HDAC9: variants seen among roughly 807,000 people sequenced by gnomAD.
HDAC9 encodes the protein histone deacetylase 9, also known as MEF-2 interacting transcription repressor (MITR) protein.
Under a neutral mutation model 139.4 loss-of-function variants are expected in HDAC9, and 41 were observed. That is an observed-to-expected ratio of 0.29 (90% CI 0.23 to 0.38). The LOEUF is 0.38. Ranked by LOEUF, HDAC9 falls within the 10% of genes least tolerant of loss-of-function variation. The probability of loss-of-function intolerance (pLI) is 1.00; values close to 1 mark genes in which losing one functional copy is unlikely to be tolerated. For synonymous variants in HDAC9, 517 were observed against 476.2 expected (o/e 1.09, Z -1.12); for missense variants, 1,147 against 1,297.0 (o/e 0.88, Z 1.78).
At chr7:18,310,164 G>C (rs993099716) in intron 1 of HDAC9, among the ~76,000 whole-genome samples, 1 of 151,960 alleles carries the variant, frequency 6.6e-6, no homozygotes, top group South Asian at 2.1e-4. Flanking sequence ...GACTGTGGTG[G>C]GGGGGTGGGG....
rs73308904 is a variant in HDAC9 at position 18,991,174 on chromosome 7, A to G, written c.3171-4849A>G. 5.8e-3 allele frequency among the ~76,000 whole-genome samples: 888 copies of G among 152,372 alleles called. 8 individuals carry two copies. The highest frequency in any genetic ancestry group is 0.019 in the African/African-American group (794 of 41,586). On this transcript the variant is annotated intron_variant, in intron 25 of 25. Coordinates refer to ENST00000686413, the MANE Select transcript of HDAC9 (RefSeq NM_178425.4). ...CCAACATATGTATATAAACATTTCA[A>G]AAAGTATTTATGGGATGTCTAGTAT... is the stretch of plus-strand genomic sequence containing the variant.
At chr7:18,947,534 G>A (rs995456528) in intron 23 of HDAC9, among the ~76,000 whole-genome samples, 5 of 151,878 alleles carry the variant, frequency 3.3e-5, no homozygotes, top group African/African-American at 1.2e-4. Context: ...TAATAAAAAT[G>A]CAACCTTGCA....
intron 1 of HDAC9, among the ~76,000 whole-genome samples, chr7:18,457,349 G>A (rs1272962599): frequency 6.6e-6 from 1 of 152,042 alleles, no homozygotes; most frequent in Non-Finnish European, 1.5e-5. Flanking sequence ...AACTGAAAGG[G>A]AAATTGCTTC....
chr7:18,764,663 T>A (rs1005111603), intron 15 of HDAC9, among the ~76,000 whole-genome samples: 2 of 152,190 alleles, frequency 1.3e-5, no homozygotes, highest in African/African-American at 4.8e-5. Flanking sequence ...GAAGACCGGA[T>A]TGAAGCTGCC....
At chr7:18,315,557 C>T (rs184904974) in intron 1 of HDAC9, among the ~76,000 whole-genome samples, 1 of 152,340 alleles carries the variant, frequency 6.6e-6, no homozygotes, top group East Asian at 1.9e-4. Context: ...TAGGAAAATA[C>T]AGGCTTTAGG....
At chr7:18,143,876 A>T (rs1338126564) in intron 1 of HDAC9, among the ~76,000 whole-genome samples, 1 of 152,078 alleles carries the variant, frequency 6.6e-6, no homozygotes, top group East Asian at 1.9e-4. Flanking sequence ...TTCTTAGTGT[A>T]GGCATTATAC....
At chr7:18,501,594 A>G (rs998642469) in intron 2 of HDAC9, among the ~76,000 whole-genome samples, 1 of 152,192 alleles carries the variant, frequency 6.6e-6, no homozygotes, top group Non-Finnish European at 1.5e-5. Flanking sequence ...AAAAATAAAT[A>G]TAACATCAGT....
intron 2 of HDAC9, among the ~76,000 whole-genome samples, chr7:18,531,446 C>A (rs1353757200): frequency 6.6e-6 from 1 of 151,854 alleles, no homozygotes; most frequent in Non-Finnish European, 1.5e-5. Flanking sequence ...TCTTTAAATT[C>A]TTTCCTGTGA....
At chr7:18,753,045 A>G (rs1367895351) in intron 14 of HDAC9, among the ~76,000 whole-genome samples, 1 of 152,100 alleles carries the variant, frequency 6.6e-6, no homozygotes, top group East Asian at 1.9e-4. Context: ...TATCCATTCG[A>G]TGATGTTTAT....
At chr7:18,254,971 T>G (rs530794997) in intron 2 of HDAC9, among the ~76,000 whole-genome samples, 1 of 152,334 alleles carries the variant, frequency 6.6e-6, no homozygotes, top group African/African-American at 2.4e-5. Flanking sequence ...TATGAATATA[T>G]GCTTTTTATA....
intron 1 of HDAC9, among the ~76,000 whole-genome samples, chr7:18,444,464 A>C (rs1317786316): frequency 1.3e-5 from 2 of 152,076 alleles, no homozygotes; most frequent in African/African-American, 4.8e-5. Context: ...TTGTAAATAA[A>C]AGGGGAAAGG....
intron 24 of HDAC9, among the ~76,000 whole-genome samples, chr7:18,969,948 G>C (rs1784141812): frequency 6.6e-6 from 1 of 152,154 alleles, no homozygotes; most frequent in African/African-American, 2.4e-5. Context: ...ACTCATTTCA[G>C]TATTTTAAAA....
rs753943168 is a variant in HDAC9 at position 18,767,102 on chromosome 7, A to G, written c.2165-4A>G. The G allele has an allele frequency of 2.6e-6, 4 of 1,512,604 alleles. No homozygotes were observed. The South Asian group carries it at 3.7e-5, about 14-fold the overall frequency. 93.7% of individuals were successfully genotyped at this position (1,512,604 alleles called of 1,614,324 possible). A position where few individuals can be genotyped will look rare whatever the true frequency, so the allele number is the denominator to read the frequency against. On this transcript the variant is annotated splice_region_variant and splice_polypyrimidine_tract_variant and intron_variant, in intron 15 of 25. Coordinates refer to ENST00000686413, the MANE Select transcript of HDAC9 (RefSeq NM_178425.4). The stretch of plus-strand genomic sequence containing the variant: ...TATATTTTTTATGTCTTCTTACTGT[A>G]TAGGTGATGACTCTCAAAAGTTTTT...
At chr7:18,281,778 A>G (rs908237868) in intron 2 of HDAC9, among the ~76,000 whole-genome samples, 2 of 152,182 alleles carry the variant, frequency 1.3e-5, no homozygotes, top group South Asian at 4.1e-4. Context: ...AGAAAATAAC[A>G]TTTCAAGGTT....
intron 21 of HDAC9, among the ~76,000 whole-genome samples, chr7:18,857,999 C>A (rs1484036884): frequency 4.6e-5 from 7 of 152,136 alleles, no homozygotes; most frequent in Non-Finnish European, 1.0e-4. Flanking sequence ...AAAACAAATA[C>A]ACATGCACAA....
intron 1 of HDAC9, among the ~76,000 whole-genome samples, chr7:18,473,824 A>G (rs990038113): frequency 1.2e-4 from 19 of 152,262 alleles, no homozygotes; most frequent in Non-Finnish European, 2.5e-4. Context: ...TGGTCTTAAA[A>G]TAGTTCAGAA....
intron 23 of HDAC9, among the ~76,000 whole-genome samples, chr7:18,951,746 G>A (rs1020584408): frequency 6.7e-6 from 1 of 148,546 alleles, no homozygotes; most frequent in Non-Finnish European, 1.5e-5. Context: ...TATAAAAAAT[G>A]AATATTTAAT....
intron 6 of HDAC9, among the ~76,000 whole-genome samples, chr7:18,608,814 C>G (rs78006730): frequency 6.6e-6 from 1 of 152,146 alleles, no homozygotes. Context: ...AGCTCACAGT[C>G]TTCATAGTGA....
chr7:18,806,154 G>A (rs1268214668), intron 17 of HDAC9, among the ~76,000 whole-genome samples: 6 of 152,288 alleles, frequency 3.9e-5, no homozygotes, highest in African/African-American at 1.2e-4. Context: ...AAAGACTAGG[G>A]CTTGGAGAAG....
Sources: gnomAD v4.1 joint callset for allele counts (sites outside exome capture counted in the v4.1 genomes callset) on GRCh38, gnomAD v4.1.1 for gene constraint, MANE v1.5 for transcripts, NCBI Gene and HGNC (gene_info 2026-07-23, HGNC 2026-07-21) for gene names.